Variants in TEK observed in about 807,000 individuals in gnomAD.
TEK encodes the protein TEK receptor tyrosine kinase, also known as angiopoietin-1 receptor.
Under a neutral mutation model 131.8 loss-of-function variants are expected in TEK, and 43 were observed. The observed-to-expected ratio is 0.33, with a 90% confidence interval of 0.26 to 0.42. The LOEUF (loss-of-function observed/expected upper bound fraction) is 0.42. Among genes scored for constraint, TEK ranks in the 10% least tolerant of loss-of-function variants. The probability of loss-of-function intolerance (pLI) is 1.00; values close to 1 mark genes in which losing one functional copy is unlikely to be tolerated. For missense variants in TEK, 1,162 were observed against 1,384.4 expected (o/e 0.84, Z 2.55); for synonymous variants, 580 against 491.6 (o/e 1.18, Z -2.38).
Position 27,127,274 on chromosome 9 carries a change from C to T in TEK, c.52+17632C>T, listed in dbSNP as rs182977888. Among the ~76,000 whole-genome samples, 442 of 152,314 alleles carry T rather than the reference C, an allele frequency of 2.9e-3. 9 individuals are homozygous for T. The highest frequency in any genetic ancestry group is 0.025 in the Admixed American group (380 of 15,310). ...TTAGTTTGCTGAGAATGGTTTCCAG[C>T]TTCATCCATGTCCCTGCAAAGGACA... On this transcript the variant is annotated intron_variant, in intron 1 of 22. Transcript: ENST00000380036.
chr9:27,169,416 A>G, intron 3 of TEK, 61 bp from the exon 4 acceptor site: 1 of 1,607,608 alleles, frequency 6.2e-7, no homozygotes, highest in East Asian at 2.2e-5. Flanking sequence ...TGGAGAAACC[A>G]GACAAGGAAG....
chr9:27,200,484 A>G (rs147607840), intron 12 of TEK, among the ~76,000 whole-genome samples: 66 of 152,314 alleles, frequency 4.3e-4, no homozygotes, highest in African/African-American at 1.5e-3. Context: ...TGGTGGTGGT[A>G]GTAGGGATGT....
In TEK at chr9:27,229,388, A is replaced by C. The variant is rs1476166834; in HGVS notation, c.*156A>C. On this transcript the variant is annotated 3_prime_UTR_variant, in exon 23 of 23. Transcript: ENST00000380036. ...TCACCACTGTAGATCCCATGCATGGATCTATGTAGTATGCTCTGACTCTAA... is the reference window on the plus strand; with the variant it reads ...TCACCACTGTAGATCCCATGCATGGCTCTATGTAGTATGCTCTGACTCTAA... The C allele has an allele frequency of 1.4e-6, 1 of 738,870 alleles. No individual in the cohort carries two copies. Among genetic ancestry groups the C allele is most frequent in the African/African-American group, 1.7e-5 (1 of 58,034 alleles). The allele number at this position is 738,870 out of a possible 1,614,324, so 45.8% of individuals were successfully genotyped here. A position where few individuals can be genotyped will look rare whatever the true frequency, so the allele number is the denominator to read the frequency against.
chr9:27,206,925 G>T (rs1825420104), intron 15 of TEK, 133 bp downstream of exon 15: 3 of 989,904 alleles, frequency 3.0e-6, no homozygotes, highest in Non-Finnish European at 1.5e-6. Flanking sequence ...TGCAACTGAA[G>T]GTTATGCTTC....
intron 11 of TEK, among the ~76,000 whole-genome samples, 195 bp downstream of exon 11, chr9:27,192,818 G>C (rs974032971): frequency 6.6e-6 from 1 of 152,134 alleles, no homozygotes; most frequent in African/African-American, 2.4e-5. Flanking sequence ...CCTTTATTTG[G>C]GTTGGACTCC....
intron 7 of TEK, among the ~76,000 whole-genome samples, chr9:27,183,244 T>G (rs1357391566): frequency 6.6e-6 from 1 of 152,128 alleles, no homozygotes; most frequent in East Asian, 1.9e-4. Flanking sequence ...AAGATCTGAG[T>G]CTGAATCTGG....
At chr9:27,112,087 C>T (rs566150516) in intron 1 of TEK, among the ~76,000 whole-genome samples, 5 of 151,976 alleles carry the variant, frequency 3.3e-5, no homozygotes, top group African/African-American at 7.2e-5. Flanking sequence ...TTAGTAGAGA[C>T]GGGGTTTCAC....
chr9:27,204,707 T>TAA (rs111400737), intron 13 of TEK, among the ~76,000 whole-genome samples: 41 of 151,236 alleles, frequency 2.7e-4, no homozygotes, highest in African/African-American at 7.3e-4. Flanking sequence ...TTTTTTTTTT[T>TAA]AATCTTATTA....
In TEK at chr9:27,206,566, A is replaced by T. The variant is rs1490265028; in HGVS notation, c.2365-16A>T. The T allele has an allele frequency of 3.1e-6, 5 of 1,610,134 alleles. No individual in the cohort carries two copies. The Admixed American group carries it at 8.4e-5, about 27-fold the overall frequency. On this transcript the variant is annotated splice_polypyrimidine_tract_variant and intron_variant, in intron 14 of 22. Transcript: ENST00000380036. ...AAAAATCCTGACACAAAATGATGAA[A>T]TAATTATTTTTCCAGAGGGAAGAAC...
chr9:27,109,628 G>A lies in TEK; in HGVS notation c.38G>A (p.Ser13Asn). 3.7e-6 allele frequency: 6 copies of A among 1,614,194 alleles called. No homozygotes were observed. Among genetic ancestry groups the A allele is most frequent in the Non-Finnish European group, 5.1e-6 (6 of 1,180,020 alleles). ...SLASLVLCGVSLLLSGTVEGA... is the reference protein window; with the variant it reads ...SLASLVLCGVNLLLSGTVEGA... Reference sequence around the variant, plus strand: ...GCCAGCTTAGTTCTCTGTGGAGTCAGCTTGCTCCTTTCTGGTAAGGTTTGG... The same window carrying A: ...GCCAGCTTAGTTCTCTGTGGAGTCAACTTGCTCCTTTCTGGTAAGGTTTGG... The change falls in exon 1 of 23, where the codon AGC becomes AAC. Residue 13 changes from serine to asparagine, a missense_variant. Ser to Asn is a conservative substitution (Grantham distance 46, BLOSUM62 1). Around this residue, in one of 6 missense-constraint regions of TEK, gnomAD observed 436 missense variants for 539.1 expected, o/e 0.81. Transcript: ENST00000380036.
chr9:27,121,971 G>A (rs764474346), intron 1 of TEK, among the ~76,000 whole-genome samples: 33 of 152,120 alleles, frequency 2.2e-4, no homozygotes, highest in Non-Finnish European at 3.8e-4. Context: ...GCACCGTCAC[G>A]GATTCTAATT....
At chr9:27,197,197 C>A in intron 11 of TEK, 118 bp from the exon 12 acceptor site, 3 of 1,109,490 alleles carry the variant, frequency 2.7e-6, no homozygotes, top group South Asian at 1.4e-5. Flanking sequence ...CAATCACCTC[C>A]CACCAGGCCC....
In TEK at chr9:27,228,240, C is replaced by T. The variant is rs745861773; in HGVS notation, c.3235C>T (p.Pro1079Ser). The change falls in exon 22 of 23, where the codon CCT (proline) becomes TCT (serine). Residue 1079 changes from proline to serine, a missense_variant. Around this residue, in one of 6 missense-constraint regions of TEK, gnomAD observed 84 missense variants for 80.3 expected, o/e 1.05. Transcript: ENST00000380036. ...DLMRQCWREK[P>S]YERPSFAQIL... is the part of the protein sequence containing the mutation. ...AATGAGACAATGCTGGCGGGAGAAGCCTTATGAGAGGCCATCATTTGCCCA... is the reference window on the plus strand; with the variant it reads ...AATGAGACAATGCTGGCGGGAGAAGTCTTATGAGAGGCCATCATTTGCCCA... 1 of 1,613,032 alleles carries T rather than the reference C, an allele frequency of 6.2e-7. No individual in the cohort carries two copies. The highest frequency in any genetic ancestry group is 8.5e-7 in the Non-Finnish European group (1 of 1,179,228).
In TEK at chr9:27,224,674, G is replaced by A. The variant is rs1003127297; in HGVS notation, c.3201-3532G>A. Among the ~76,000 whole-genome samples, 5 of 152,170 alleles carry A rather than the reference G, an allele frequency of 3.3e-5. No homozygotes were observed. The South Asian group carries it at 6.2e-4, about 19-fold the overall frequency. On this transcript the variant is annotated intron_variant, in intron 21 of 22. Transcript: ENST00000380036. ...CACACTGAATGGACAAAAGCTGGAA[G>A]CATTCCCTTTGAAAACCGGCATAAG...
chr9:27,211,153 G>A (rs62546525), intron 16 of TEK, among the ~76,000 whole-genome samples: 2 of 101,800 alleles, frequency 2.0e-5, no homozygotes, highest in African/African-American at 3.5e-5. Context: ...GAATATATAT[G>A]TATGAATATA....
At position 27,228,251 on chromosome 9, in the gene TEK, G is replaced by A. The variant is rs1826416606; in HGVS notation, c.3246G>A (p.Arg1082=). ...RQCWREKPYE[R]PSFAQILVSL... ...GCTGGCGGGAGAAGCCTTATGAGAG[G>A]CCATCATTTGCCCAGATATTGGTGT... is the stretch of plus-strand genomic sequence containing the variant. The change falls in exon 22 of 23, where the codon AGG becomes AGA. Residue 1082 remains arginine, a synonymous_variant. Transcript: ENST00000380036. 1 of 1,612,950 alleles carries A rather than the reference G, an allele frequency of 6.2e-7. No individual in the cohort carries two copies. Among genetic ancestry groups the A allele is most frequent in the Non-Finnish European group, 8.5e-7 (1 of 1,179,260 alleles).
At chr9:27,191,533 T>C in intron 10 of TEK, among the ~76,000 whole-genome samples, 1 of 151,896 alleles carries the variant, frequency 6.6e-6, no homozygotes, top group South Asian at 2.1e-4. Flanking sequence ...TTACTATGCC[T>C]ATGATTTCCT....
chr9:27,112,150 C>G (rs570665383), intron 1 of TEK, among the ~76,000 whole-genome samples: 3 of 152,270 alleles, frequency 2.0e-5, no homozygotes, highest in Admixed American at 1.3e-4. Flanking sequence ...CCGCCCGCCT[C>G]GGCCTCCCAA....
chr9:27,186,739 G>C (rs1323994601), intron 9 of TEK, among the ~76,000 whole-genome samples: 1 of 152,110 alleles, frequency 6.6e-6, no homozygotes, highest in African/African-American at 2.4e-5. Context: ...ATTTGTATTT[G>C]GCCCCCTTTC....
Sources: gnomAD v4.1 joint callset for allele counts (sites outside exome capture counted in the v4.1 genomes callset) on GRCh38, gnomAD v4.1.1 for gene constraint, gnomAD v4.1.1 regional missense constraint, MANE v1.5 for transcripts, NCBI Gene and HGNC (gene_info 2026-07-23, HGNC 2026-07-21) for gene names.